The following KIDINS220 variants were observed in gnomAD, a reference collection of about 807,000 sequenced individuals.
KIDINS220 encodes kinase D interacting substrate 220, also known as kinase D-interacting substrate of 220 kDa.
KIDINS220 carries 63 observed loss-of-function variants against 157.6 expected under a neutral mutation model. That is an observed-to-expected ratio of 0.40 (90% confidence interval 0.33 to 0.49). KIDINS220 has a LOEUF of 0.49. Among genes scored for constraint, KIDINS220 ranks in the 20% least tolerant of loss-of-function variants. The pLI is 0.66. For synonymous variants in KIDINS220, 732 were observed against 783.6 expected, an observed-to-expected ratio of 0.93 and a Z score of 1.10; for missense variants, 1,772 against 2,171.2, an observed-to-expected ratio of 0.82 and a Z score of 3.65.
intron 22 of KIDINS220, among the ~76,000 whole-genome samples, chr2:8,753,810 C>G (rs1015338947): frequency 6.6e-6 from 1 of 152,120 alleles, no homozygotes; most frequent in Non-Finnish European, 1.5e-5. Context: ...AAGGGAAAAA[C>G]CCAGAGAACA....
chr2:8,732,256 G>A (rs1238232260), intron 29 of KIDINS220, among the ~76,000 whole-genome samples: 2 of 152,124 alleles, frequency 1.3e-5, no homozygotes, highest in African/African-American at 4.8e-5. Flanking sequence ...CTTAGCACTT[G>A]TTTCTGGTTT....
intron 4 of KIDINS220, among the ~76,000 whole-genome samples, chr2:8,813,985 T>G (rs1676703123): frequency 6.6e-6 from 1 of 152,198 alleles, no homozygotes; most frequent in Admixed American, 6.5e-5. Flanking sequence ...TCCTAGATAT[T>G]CACTTCTTTC....
In KIDINS220 at chr2:8,806,318, C is replaced by T. The variant is rs969717545; in HGVS notation, c.556G>A (p.Val186Met). 3 of 1,611,324 alleles carry T rather than the reference C, an allele frequency of 1.9e-6. No homozygotes were observed. Among genetic ancestry groups the T allele is most frequent in the African/African-American group, 1.3e-5 (1 of 74,984 alleles). Residue 186 changes from valine (V) to methionine (M), a missense_variant, in exon 7 of 30, where the codon GTG (valine) becomes ATG (methionine). By Grantham distance (21) the Val-to-Met change is conservative. Transcript: ENST00000256707. ...GCTCCCATGGCCAATAAATGTTTCA[C>T]ACATTCCAAATGACCCTTTCGTGCA... ...WAARKGHLEC[V>M]KHLLAMGADV...
Position 8,806,376 on chromosome 2 carries a change from A to C in KIDINS220, c.505-7T>G. 1 of 1,531,032 alleles carries C rather than the reference A, an allele frequency of 6.5e-7. No individual in the cohort carries two copies. Among genetic ancestry groups the C allele is most frequent in the Non-Finnish European group, 8.8e-7 (1 of 1,130,146 alleles). The allele number at this position is 1,531,032 out of a possible 1,614,324, so 94.8% of individuals were successfully genotyped here. On this transcript the variant is annotated splice_polypyrimidine_tract_variant and splice_region_variant and intron_variant, in intron 6 of 29. Transcript: ENST00000256707. ...CTAAAGGGGTGGTTCCATACTATTA[A>C]AACAAACAATAAATTTAAAATTATT...
downstream of KIDINS220, chr2:8,722,495 C>A (rs888847401): frequency 6.6e-6 from 1 of 152,216 alleles, no homozygotes; most frequent in Non-Finnish European, 1.5e-5. Flanking sequence ...GGGAGCCCCC[C>A]AGGAACACAT....
chr2:8,754,062 C>T (rs1056361856), intron 22 of KIDINS220, among the ~76,000 whole-genome samples: 7 of 152,290 alleles, frequency 4.6e-5, no homozygotes, highest in African/African-American at 1.4e-4. Flanking sequence ...AGAGCTTAAA[C>T]AGTTAAATAG....
Position 8,731,395 on chromosome 2 carries a change from C to T in KIDINS220, c.4641G>A (p.Gly1547=), listed in dbSNP as rs764945618. Residue 1547 remains glycine, a synonymous_variant, in exon 30 of 30, where the codon GGG becomes GGA. Transcript: ENST00000256707. This position sits in a 1 kb window ranked among gnomAD's most constrained non-coding sequence, Gnocchi z 5.2. ...LKDDKDRKAE[G]KVERVPKSPE... ...GAGACTTCGGCACTCTCTCTACTTT[C>T]CCTTCGGCTTTTCTGTCTTTGTCAT... 6.2e-7 allele frequency: 1 copy of T among 1,614,208 alleles called. No homozygotes were observed. Among genetic ancestry groups the T allele is most frequent in the Non-Finnish European group, 8.5e-7 (1 of 1,180,038 alleles).
At chr2:8,792,460 T>C (rs1673323582) in intron 12 of KIDINS220, among the ~76,000 whole-genome samples, 1 of 152,126 alleles carries the variant, frequency 6.6e-6, no homozygotes, top group South Asian at 2.1e-4. Context: ...CTGGCAAGAA[T>C]ACAAATAGCC....
chr2:8,833,982 C>G (rs982121728), intron 1 of KIDINS220, among the ~76,000 whole-genome samples: 5 of 152,148 alleles, frequency 3.3e-5, no homozygotes, highest in Non-Finnish European at 7.4e-5. Flanking sequence ...GCCATGCTGC[C>G]CAAGGCTTAC....
rs768369922 is a variant in KIDINS220 at position 8,731,361 on chromosome 2, T to C, written c.4675A>G (p.Ser1559Gly). The C allele has an allele frequency of 1.2e-6, 2 of 1,614,224 alleles. No individual in the cohort carries two copies. Among genetic ancestry groups the C allele is most frequent in the Non-Finnish European group, 1.7e-6 (2 of 1,180,034 alleles). Reference protein sequence around the residue: ...VERVPKSPEHSAEPIRTFIKA... With the variant: ...VERVPKSPEHGAEPIRTFIKA... ...ATGAAGGTTCTGATCGGCTCAGCAC[T>C]GTGTTCTGGAGACTTCGGCACTCTC... Residue 1559 changes from serine (S) to glycine (G), a missense_variant, in exon 30 of 30, where the codon AGT becomes GGT. Ser to Gly is a moderately conservative substitution (Grantham distance 56, BLOSUM62 0). This residue lies in a region of KIDINS220 where 793 missense variants were observed against 885.5 expected (regional missense o/e 0.90). Coordinates refer to ENST00000256707, the MANE Select transcript of KIDINS220 (RefSeq NM_020738.4). This position sits in a 1 kb window ranked among gnomAD's most constrained non-coding sequence, Gnocchi z 5.2.
At chr2:8,806,702 C>T (rs994927404) in intron 6 of KIDINS220, among the ~76,000 whole-genome samples, 1 of 152,170 alleles carries the variant, frequency 6.6e-6, no homozygotes, top group African/African-American at 2.4e-5. Flanking sequence ...GCCTCAGCCT[C>T]CTGAGTAGCT....
chr2:8,758,347 T>C lies in KIDINS220; in HGVS notation c.3012-6703A>G, dbSNP rs138785887. On this transcript the variant is annotated intron_variant, in intron 22 of 29. Transcript: ENST00000256707. ...AAAAATACTTGAGAAAAATCTACCATGATTAAGCCCTGTTCACCCTCACCA... is the reference window on the plus strand; with the variant it reads ...AAAAATACTTGAGAAAAATCTACCACGATTAAGCCCTGTTCACCCTCACCA... 4.8e-3 allele frequency among the ~76,000 whole-genome samples: 724 copies of C among 152,268 alleles called. 3 individuals are homozygous for C. Among genetic ancestry groups the C allele is most frequent in the Admixed American group, 8.2e-3 (126 of 15,290 alleles).
rs1352771724 is a variant in KIDINS220, at chr2:8,730,139, T to A, written c.*581A>T. 1 of 985,754 alleles carries A rather than the reference T, an allele frequency of 1.0e-6. No homozygotes were observed. Among genetic ancestry groups the A allele is most frequent in the Non-Finnish European group, 1.2e-6 (1 of 830,288 alleles). 61.1% of individuals were successfully genotyped at this position (985,754 alleles called of 1,614,324 possible). A position where few individuals can be genotyped will look rare whatever the true frequency, so the allele number is the denominator to read the frequency against. On this transcript the variant is annotated 3_prime_UTR_variant, in exon 30 of 30. Transcript: ENST00000256707. Reference sequence around the variant, plus strand: ...CCCTGGTGACTCACTTTGTTGGCAATTTTTAAAGCCCTCTTCATTATGTAC... The same window carrying A: ...CCCTGGTGACTCACTTTGTTGGCAAATTTTAAAGCCCTCTTCATTATGTAC...
At chr2:8,767,605 G>A (rs1224897595) in intron 22 of KIDINS220, among the ~76,000 whole-genome samples, 1 of 152,088 alleles carries the variant, frequency 6.6e-6, no homozygotes, top group Non-Finnish European at 1.5e-5. Context: ...ATGATGGCGG[G>A]GAAGAGAGGG....
chr2:8,740,634 T>C (rs897963846), intron 26 of KIDINS220, among the ~76,000 whole-genome samples: 1 of 152,188 alleles, frequency 6.6e-6, no homozygotes, highest in East Asian at 1.9e-4. Context: ...TGTTCAGAAA[T>C]ACACTTTCAA....
intron 24 of KIDINS220, among the ~76,000 whole-genome samples, chr2:8,749,779 T>A (rs1315556195): frequency 6.6e-6 from 1 of 152,122 alleles, no homozygotes; most frequent in Admixed American, 6.6e-5. Context: ...ATACAAGATA[T>A]AACAAATAGA....
At chr2:8,770,478 AGATTTTACAT>A (rs1047817662) in intron 22 of KIDINS220, among the ~76,000 whole-genome samples, 182 bp downstream of exon 22, 5 of 152,196 alleles carry the variant, frequency 3.3e-5, no homozygotes, top group African/African-American at 1.2e-4. Flanking sequence ...ATAAAGTCAT[AGATTTTACAT>A]GACAGGATAT....
chr2:8,803,009 A>G lies in KIDINS220; in HGVS notation c.722T>C (p.Met241Thr). ...LTDKDGNTAL[M>T]IASKEGHTEI... ...CGTATGTCCCTCCTTTGATGCAATC[A>G]TCAAAGCTGTATTTCCATCTTTATC... Residue 241 changes from methionine (M) to threonine (T), a missense_variant, in exon 8 of 30, where the codon ATG (methionine) becomes ACG (threonine). Coordinates refer to ENST00000256707, the MANE Select transcript of KIDINS220 (RefSeq NM_020738.4). 6.2e-7 allele frequency: 1 copy of G among 1,613,906 alleles called. No individual in the cohort carries two copies.
At chr2:8,765,849 G>A (rs1041262576) in intron 22 of KIDINS220, among the ~76,000 whole-genome samples, 6 of 152,052 alleles carry the variant, frequency 3.9e-5, no homozygotes, top group Non-Finnish European at 7.4e-5. Flanking sequence ...GATTACAGGC[G>A]TACTCCACCA....
Sources: allele counts gnomAD v4.1 joint callset (sites outside exome capture counted in the v4.1 genomes callset), GRCh38; gene constraint gnomAD v4.1.1; regional missense constraint gnomAD v4.1.1; non-coding constraint Gnocchi (gnomAD v3.1); transcripts MANE v1.5; gene names NCBI Gene and HGNC (gene_info 2026-07-23, HGNC 2026-07-21).